BACE2: variants seen among roughly 807,000 people sequenced by gnomAD.
The protein encoded by BACE2 is beta-secretase 2, also known as 56 kDa aspartic-like protease.
BACE2 carries 17 observed loss-of-function variants against 46.2 expected under a neutral mutation model. The observed-to-expected ratio is 0.37, with a 90% CI of 0.25 to 0.55. The LOEUF (loss-of-function observed/expected upper bound fraction) is 0.55. Among genes scored for constraint, BACE2 ranks in the 20% least tolerant of loss-of-function variants. The probability of loss-of-function intolerance (pLI) is 0.82; values close to 1 mark genes in which losing one functional copy is unlikely to be tolerated. For synonymous variants in BACE2, 277 were observed against 295.9 expected (o/e 0.94, Z 0.66); for missense variants, 595 against 698.1 (o/e 0.85, Z 1.66).
intron 1 of BACE2, among the ~76,000 whole-genome samples, chr21:41,221,999 G>C (rs1413112748): frequency 6.6e-6 from 1 of 152,182 alleles, no homozygotes; most frequent in African/African-American, 2.4e-5. Context: ...TGGCATGATT[G>C]CGCACGGGGC....
intron 2 of BACE2, among the ~76,000 whole-genome samples, chr21:41,226,886 G>A (rs943693335): frequency 3.5e-4 from 54 of 152,228 alleles, no homozygotes; most frequent in Non-Finnish European, 2.6e-4. Context: ...TGAGTTTTGT[G>A]AGCACAAAGT....
At position 41,193,473 on chromosome 21, in the gene BACE2, G is replaced by A. The variant is rs1251668373; in HGVS notation, c.312+24898G>A. Among the ~76,000 whole-genome samples the A allele has an allele frequency of 1.3e-5, 2 of 152,252 alleles. No homozygotes were observed. The highest frequency in any genetic ancestry group is 2.9e-5 in the Non-Finnish European group (2 of 68,046). On this transcript the variant is annotated intron_variant, in intron 1 of 8. Transcript: ENST00000330333. This position sits in a 1 kb window ranked among gnomAD's most constrained non-coding sequence, Gnocchi z 4.2. ...CCAGATGGGAGAGTTGAATGGGGATGTGGTGGGAATCACCACCCCTGCATC... is the reference window on the plus strand; with the variant it reads ...CCAGATGGGAGAGTTGAATGGGGATATGGTGGGAATCACCACCCCTGCATC...
chr21:41,241,442 A>G (rs2123601418), intron 3 of BACE2, among the ~76,000 whole-genome samples: 1 of 152,278 alleles, frequency 6.6e-6, no homozygotes, highest in Non-Finnish European at 1.5e-5. Context: ...GGCAGCTCCT[A>G]GAGAAACTCT....
intron 2 of BACE2, among the ~76,000 whole-genome samples, chr21:41,228,506 G>A (rs1349439468): frequency 1.3e-5 from 2 of 152,212 alleles, no homozygotes; most frequent in African/African-American, 4.8e-5. Flanking sequence ...GCTGCTTCCA[G>A]TCATGGTGGA....
chr21:41,240,557 A>T lies in BACE2; in HGVS notation c.619-1262A>T, dbSNP rs534413891. The stretch of plus-strand genomic sequence containing the variant: ...AGGGAAGGAAGCAAAGGAACAAGTC[A>T]CTCGGCTGGCAAGTGGCAGAGCCTG... On this transcript the variant is annotated intron_variant, in intron 3 of 8. Transcript: ENST00000330333. Among the ~76,000 whole-genome samples, 116 of 152,244 alleles carry T rather than the reference A, an allele frequency of 7.6e-4. 1 individual carries two copies. Among genetic ancestry groups the T allele is most frequent in the Admixed American group, 1.9e-3 (29 of 15,304 alleles).
At chr21:41,197,390 A>C (rs1985777172) in intron 1 of BACE2, among the ~76,000 whole-genome samples, 1 of 151,804 alleles carries the variant, frequency 6.6e-6, no homozygotes, top group Non-Finnish European at 1.5e-5. Context: ...AGTGACTGGC[A>C]GTGGTATGGT....
In BACE2 at chr21:41,275,708, G is replaced by A; in HGVS notation, c.*84G>A. 6.5e-7 allele frequency: 1 copy of A among 1,531,026 alleles called. No homozygotes were observed. Among genetic ancestry groups the A allele is most frequent in the South Asian group, 1.2e-5 (1 of 80,784 alleles). The allele number at this position is 1,531,026 out of a possible 1,614,324, so 94.8% of individuals were successfully genotyped here. On this transcript the variant is annotated 3_prime_UTR_variant, in exon 9 of 9. Transcript: ENST00000330333. ...AGGGCAGCAGCCGGGATCGATGGTGGCGCTTTCTCCTGTGCCCACCCGTCT... is the reference window on the plus strand; with the variant it reads ...AGGGCAGCAGCCGGGATCGATGGTGACGCTTTCTCCTGTGCCCACCCGTCT...
At chr21:41,203,061 G>A (rs1986009838) in intron 1 of BACE2, among the ~76,000 whole-genome samples, 1 of 152,156 alleles carries the variant, frequency 6.6e-6, no homozygotes, top group African/African-American at 2.4e-5. Context: ...GTCTGGTCCT[G>A]TCCTAGGCAC....
chr21:41,243,347 C>A, intron 4 of BACE2, 29 bp from the exon 5 acceptor site: 2 of 1,556,286 alleles, frequency 1.3e-6, no homozygotes, highest in Admixed American at 1.9e-5. Flanking sequence ...TATTTTTTCT[C>A]TTATACCTGT....
intron 8 of BACE2, among the ~76,000 whole-genome samples, chr21:41,273,944 C>T (rs543946724): frequency 1.3e-5 from 2 of 152,328 alleles, no homozygotes; most frequent in African/African-American, 4.8e-5. Context: ...TGACTTCCCG[C>T]AACAGAAACC....
chr21:41,210,087 G>A (rs1986251060), intron 1 of BACE2, among the ~76,000 whole-genome samples: 1 of 151,990 alleles, frequency 6.6e-6, no homozygotes, highest in African/African-American at 2.4e-5. Context: ...TAGGATTTGG[G>A]GACTTGGATT....
chr21:41,175,094 A>T (rs145993687), intron 1 of BACE2: 1 of 152,288 alleles, frequency 6.6e-6, no homozygotes, highest in East Asian at 1.9e-4. Context: ...ATACAAAAAA[A>T]AGTGGTCACT....
At position 41,274,316 on chromosome 21, in the gene BACE2, T is replaced by C. The variant is rs561551595; in HGVS notation, c.1304-1055T>C. Among the ~76,000 whole-genome samples, 16 of 152,326 alleles carry C rather than the reference T, an allele frequency of 1.1e-4. No homozygotes were observed. The South Asian group carries it at 2.1e-3, about 20-fold the overall frequency. The stretch of plus-strand genomic sequence containing the variant: ...CTGTTTTCCTCTGATTTTAAAACCA[T>C]TCTTTTCAGGTCATTATCGCATTGT... On this transcript the variant is annotated intron_variant, in intron 8 of 8. Coordinates refer to ENST00000330333, the MANE Select transcript of BACE2 (RefSeq NM_012105.5).
chr21:41,210,848 A>T (rs1176991370), intron 1 of BACE2, among the ~76,000 whole-genome samples: 1 of 152,220 alleles, frequency 6.6e-6, no homozygotes, highest in Admixed American at 6.5e-5. Flanking sequence ...ATATGCGTGC[A>T]TCAGGACCAC....
chr21:41,196,427 T>C (rs1473832676), intron 1 of BACE2, among the ~76,000 whole-genome samples: 2 of 152,090 alleles, frequency 1.3e-5, no homozygotes, highest in Admixed American at 6.5e-5. Flanking sequence ...GTGGCACGAC[T>C]GTCATAGCAA....
chr21:41,218,251 ATAAGACATGCT>A (rs1413936244), intron 1 of BACE2, among the ~76,000 whole-genome samples: 2 of 152,244 alleles, frequency 1.3e-5, no homozygotes, highest in Non-Finnish European at 2.9e-5. Flanking sequence ...ATGAGGAAAA[ATAAGACATGCT>A]TTAGATTTCT....
At chr21:41,230,512 G>T (rs1020849117) in intron 2 of BACE2, among the ~76,000 whole-genome samples, 2 of 152,166 alleles carry the variant, frequency 1.3e-5, no homozygotes, top group African/African-American at 4.8e-5. Context: ...TTTGACAAAG[G>T]TTTCTTTTCT....
chr21:41,182,048 T>G, intron 1 of BACE2: 4 of 167,180 alleles, frequency 2.4e-5, no homozygotes. Context: ...AGGAGATGTT[T>G]CCCAGGAGGA....
At chr21:41,230,645 T>C (rs1986943661) in intron 2 of BACE2, among the ~76,000 whole-genome samples, 2 of 152,218 alleles carry the variant, frequency 1.3e-5, no homozygotes, top group African/African-American at 4.8e-5. Context: ...CTTTGGATAT[T>C]CAGGTCTAAT....
Sources: gnomAD v4.1 joint callset for allele counts (sites outside exome capture counted in the v4.1 genomes callset) on GRCh38, gnomAD v4.1.1 for gene constraint, Gnocchi (gnomAD v3.1) non-coding constraint, MANE v1.5 for transcripts, NCBI Gene and HGNC (gene_info 2026-07-23, HGNC 2026-07-21) for gene names.